Variants in NRG3 observed in about 807,000 individuals in gnomAD.
The protein encoded by NRG3 is pro-neuregulin-3, membrane-bound isoform.
NRG3 carries 31 observed loss-of-function variants against 66.9 expected under a neutral mutation model. The ratio of observed to expected loss-of-function variants is 0.46; its 90% confidence interval spans 0.35 to 0.63. NRG3 has a LOEUF of 0.63. Among genes scored for constraint, NRG3 ranks in the 20% least tolerant of loss-of-function variants. The pLI is 0.00. For missense variants in NRG3, 910 were observed against 878.9 expected (o/e 1.04, Z -0.45); for synonymous variants, 393 against 359.4 (o/e 1.09, Z -1.06).
At chr10:82,008,197 A>G (rs1362074843) in intron 1 of NRG3, among the ~76,000 whole-genome samples, 1 of 152,150 alleles carries the variant, frequency 6.6e-6, no homozygotes, top group African/African-American at 2.4e-5. Flanking sequence ...TCTGAAGCAC[A>G]AGTGTAGCAT....
At chr10:82,941,122 G>GC in intron 4 of NRG3, among the ~76,000 whole-genome samples, 1 of 152,068 alleles carries the variant, frequency 6.6e-6, no homozygotes, top group South Asian at 2.1e-4. Context: ...GGGACTGGAG[G>GC]CCCCCCACCC....
intron 2 of NRG3, among the ~76,000 whole-genome samples, chr10:82,687,057 A>G (rs759132364): frequency 5.3e-5 from 8 of 152,206 alleles, no homozygotes; most frequent in Non-Finnish European, 1.2e-4. Flanking sequence ...CCAGCTTTCT[A>G]TCTCAGTAAG....
rs144942028 is a variant in NRG3 at position 82,503,574 on chromosome 10, A to C, written c.953+144706A>C. Among the ~76,000 whole-genome samples, 736 of 152,308 alleles carry C rather than the reference A, an allele frequency of 4.8e-3. 7 individuals are homozygous for C. In the Middle Eastern group the frequency reaches 0.054, roughly 11 times the overall value. ...AAATTGTGGGCACTGTGGTGAAGAA[A>C]GCTTATGACAGTAGATCTCACGGGG... On this transcript the variant is annotated intron_variant, in intron 2 of 8. Transcript: ENST00000372141.
intron 1 of NRG3, among the ~76,000 whole-genome samples, chr10:82,033,552 C>G (rs1328706281): frequency 6.6e-6 from 1 of 152,002 alleles, no homozygotes; most frequent in Non-Finnish European, 1.5e-5. Flanking sequence ...CAGAACTATA[C>G]CTTTTTATTT....
At chr10:82,129,293 A>T (rs954800996) in intron 1 of NRG3, among the ~76,000 whole-genome samples, 1 of 149,718 alleles carries the variant, frequency 6.7e-6, no homozygotes, top group Non-Finnish European at 1.5e-5. Context: ...CAGAGGGCAC[A>T]GTTCACATTC....
chr10:82,297,817 G>T (rs1372943194), intron 1 of NRG3, among the ~76,000 whole-genome samples: 1 of 151,910 alleles, frequency 6.6e-6, no homozygotes, highest in Non-Finnish European at 1.5e-5. Context: ...CCTTCAAGAA[G>T]TTCATAGAAT....
At chr10:82,068,693 G>A (rs774726995) in intron 1 of NRG3, among the ~76,000 whole-genome samples, 7 of 152,130 alleles carry the variant, frequency 4.6e-5, no homozygotes, top group Non-Finnish European at 8.8e-5. Context: ...CAGAGGGAGC[G>A]GGCAGGGAAA....
In NRG3 at chr10:82,165,486, T is replaced by C. The variant is rs193231983; in HGVS notation, c.824-193253T>C. ...TTTTACATATGTAAAATTAGGGAAATGTTAATATTTTTCATACTTTTCATT... is the reference window on the plus strand; with the variant it reads ...TTTTACATATGTAAAATTAGGGAAACGTTAATATTTTTCATACTTTTCATT... On this transcript the variant is annotated intron_variant, in intron 1 of 8. Transcript: ENST00000372141. 2.2e-3 allele frequency among the ~76,000 whole-genome samples: 337 copies of C among 152,154 alleles called. 1 individual carries two copies. The highest frequency in any genetic ancestry group is 6.8e-3 in the African/African-American group (284 of 41,536).
chr10:82,520,782 C>A (rs994882203), intron 2 of NRG3, among the ~76,000 whole-genome samples: 2 of 152,164 alleles, frequency 1.3e-5, no homozygotes, highest in African/African-American at 4.8e-5. Flanking sequence ...ATATCAGTAG[C>A]CTCTTTTTCC....
intron 2 of NRG3, among the ~76,000 whole-genome samples, chr10:82,409,878 G>A (rs1297984297): frequency 6.6e-6 from 1 of 152,130 alleles, no homozygotes; most frequent in African/African-American, 2.4e-5. Context: ...CTCAGCTGGT[G>A]TTGTCAGCCA....
At chr10:82,194,366 G>A (rs1288109072) in intron 1 of NRG3, among the ~76,000 whole-genome samples, 1 of 152,134 alleles carries the variant, frequency 6.6e-6, no homozygotes, top group Admixed American at 6.6e-5. Flanking sequence ...AAGTAAGTGT[G>A]AAAAGTGAGA....
chr10:82,381,048 C>T (rs908097202), intron 2 of NRG3, among the ~76,000 whole-genome samples: 22 of 152,038 alleles, frequency 1.4e-4, no homozygotes, highest in African/African-American at 5.3e-4. Flanking sequence ...AGTATGATTT[C>T]TGTTAGACAA....
chr10:82,769,864 C>G (rs1363093097), intron 3 of NRG3, among the ~76,000 whole-genome samples: 2 of 152,008 alleles, frequency 1.3e-5, no homozygotes, highest in African/African-American at 4.8e-5. Context: ...GTGTTTAAGA[C>G]CTGCAAGATT....
chr10:82,890,673 T>G (rs574832046), intron 4 of NRG3, among the ~76,000 whole-genome samples: 1 of 152,334 alleles, frequency 6.6e-6, no homozygotes, highest in South Asian at 2.1e-4. Flanking sequence ...CTCTTCAAAT[T>G]TAATAGGTAC....
chr10:82,852,679 A>G (rs1383021754), intron 3 of NRG3, among the ~76,000 whole-genome samples: 1 of 152,182 alleles, frequency 6.6e-6, no homozygotes, highest in Non-Finnish European at 1.5e-5. Context: ...TGCCTTGGTA[A>G]TGGCTAAGTG....
intron 2 of NRG3, among the ~76,000 whole-genome samples, chr10:82,394,210 T>G (rs1323726474): frequency 6.6e-6 from 1 of 152,156 alleles, no homozygotes; most frequent in African/African-American, 2.4e-5. Context: ...TCTTCCTCTC[T>G]CATGTCACAC....
At chr10:82,746,573 T>C (rs916294810) in intron 3 of NRG3, among the ~76,000 whole-genome samples, 10 of 152,152 alleles carry the variant, frequency 6.6e-5, no homozygotes, top group African/African-American at 2.4e-4. Context: ...CTCTGTCATC[T>C]CTCCTCTGTC....
chr10:82,798,771 TAG>T (rs1384626223), intron 3 of NRG3, among the ~76,000 whole-genome samples: 4 of 152,218 alleles, frequency 2.6e-5, no homozygotes, highest in African/African-American at 9.6e-5. Context: ...CACTGGGCTA[TAG>T]AGAGACGGTC....
At chr10:82,064,189 A>C (rs2133261476) in intron 1 of NRG3, among the ~76,000 whole-genome samples, 1 of 152,222 alleles carries the variant, frequency 6.6e-6, no homozygotes, top group Non-Finnish European at 1.5e-5. Context: ...AGTCAAAATA[A>C]CTCTGTGGTC....
Sources: allele counts gnomAD v4.1 joint callset (sites outside exome capture counted in the v4.1 genomes callset), GRCh38; gene constraint gnomAD v4.1.1; transcripts MANE v1.5; gene names NCBI Gene and HGNC (gene_info 2026-07-23, HGNC 2026-07-21).